Variants in WIPI1 observed in about 807,000 individuals in gnomAD.
The protein encoded by WIPI1 is WD repeat domain phosphoinositide-interacting protein 1.
WIPI1 carries 45 observed loss-of-function variants against 55.3 expected under a neutral mutation model. The ratio of observed to expected loss-of-function variants is 0.81; its 90% CI spans 0.64 to 1.04. The LOEUF is 1.04. Ranked by LOEUF, WIPI1 falls within the 50% of genes least tolerant of loss-of-function variation. WIPI1 has a pLI of 0.00. For synonymous variants in WIPI1, 195 were observed against 217.6 expected, an observed-to-expected ratio of 0.90 and a Z score of 0.92; for missense variants, 445 against 559.0, an observed-to-expected ratio of 0.80 and a Z score of 2.06.
intron 8 of WIPI1, among the ~76,000 whole-genome samples, chr17:68,431,325 C>T (rs991999605): frequency 6.6e-6 from 1 of 152,130 alleles, no homozygotes; most frequent in African/African-American, 2.4e-5. Flanking sequence ...ATCACAACCT[C>T]CCTGACAGGG....
chr17:68,426,218 G>T, intron 11 of WIPI1, 43 bp from the exon 12 acceptor site: 2 of 1,227,856 alleles, frequency 1.6e-6, no homozygotes, highest in Non-Finnish European at 2.3e-6. Context: ...CTGGGGATCT[G>T]CTTTTATGCC....
At chr17:68,454,701 T>C (rs952064465) in intron 1 of WIPI1, among the ~76,000 whole-genome samples, 2 of 152,236 alleles carry the variant, frequency 1.3e-5, no homozygotes, top group Admixed American at 6.5e-5. Context: ...TTTCTTCACA[T>C]AAACTTTTTC....
At chr17:68,445,557 C>A (rs192643691) in intron 3 of WIPI1, among the ~76,000 whole-genome samples, 2 of 152,344 alleles carry the variant, frequency 1.3e-5, no homozygotes, top group Admixed American at 6.5e-5. Context: ...CCTTCCTGGG[C>A]TCCTCTCTCT....
At chr17:68,437,270 T>C (rs2083856281) in intron 4 of WIPI1, among the ~76,000 whole-genome samples, 1 of 152,002 alleles carries the variant, frequency 6.6e-6, no homozygotes, top group South Asian at 2.1e-4. Context: ...CTGAGAAATT[T>C]CAGGCCAGGC....
rs780836720 is a variant in WIPI1 at position 68,428,920 on chromosome 17, G to A, written c.982C>T (p.Arg328Trp). Residue 328 changes from arginine (R) to tryptophan (W), a missense_variant, in exon 10 of 13, where the codon CGG becomes TGG. Coordinates refer to ENST00000262139, the MANE Select transcript of WIPI1 (RefSeq NM_017983.7). ...CTLSTIQKLP[R>W]LLVASSSGHL... ...CCACTGGATGACGCAACTAGCAGCC[G>A]TGGCAACTTCTGGATCCTAAGGGCC... 12 of 1,613,718 alleles carry A rather than the reference G, an allele frequency of 7.4e-6. No individual in the cohort carries two copies. The highest frequency in any genetic ancestry group is 2.2e-5 in the South Asian group (2 of 91,054).
At chr17:68,422,291 G>C (rs11652161) in intron 12 of WIPI1, 34,961 of 162,820 alleles carry the variant, frequency 0.21, 4,714 homozygotes, top group Non-Finnish European at 0.3. Context: ...GCCGGGCATG[G>C]TGGCGCTCAC....
At position 68,426,132 on chromosome 17, in the gene WIPI1, A is replaced by C. The variant is rs757608869; in HGVS notation, c.1236T>G (p.Pro412=). 1.2e-6 allele frequency: 2 copies of C among 1,612,142 alleles called. No individual in the cohort carries two copies. Among genetic ancestry groups the C allele is most frequent in the African/African-American group, 2.7e-5 (2 of 74,802 alleles). The change falls in exon 12 of 13, where the codon CCT becomes CCG. Residue 412 remains proline (P), a synonymous_variant. Transcript: ENST00000262139. Reference sequence around the variant, plus strand: ...CTGGTCCCGTCGCAAACTCATGTTCAGGAATAACTTCTCCTCGCAGCGCCC... The same window carrying C: ...CTGGTCCCGTCGCAAACTCATGTTCCGGAATAACTTCTCCTCGCAGCGCCC... ...DGGALRGEVI[P]EHEFATGPVC... is the part of the protein sequence containing the mutation.
At chr17:68,437,555 A>C (rs2083872109) in intron 4 of WIPI1, among the ~76,000 whole-genome samples, 1 of 143,468 alleles carries the variant, frequency 7.0e-6, no homozygotes, top group Non-Finnish European at 1.5e-5. Flanking sequence ...CTGTCTTAAG[A>C]AAAAAAAAAA....
chr17:68,443,395 G>A (rs2084161261), intron 4 of WIPI1, among the ~76,000 whole-genome samples: 1 of 152,168 alleles, frequency 6.6e-6, no homozygotes, highest in Non-Finnish European at 1.5e-5. Context: ...TTATAGGTGT[G>A]AGCCACCGCA....
At chr17:68,437,034 GTGTATA>G (rs1036846199) in intron 4 of WIPI1, among the ~76,000 whole-genome samples, 8 of 150,630 alleles carry the variant, frequency 5.3e-5, no homozygotes, top group African/African-American at 1.5e-4. Context: ...GTGTGTGTGT[GTGTATA>G]TATTGCTCAT....
Position 68,457,339 on chromosome 17 carries a change from T to G in WIPI1, c.80+3A>C. The G allele has an allele frequency of 6.5e-7, 1 of 1,546,372 alleles. No homozygotes were observed. Among genetic ancestry groups the G allele is most frequent in the African/African-American group, 1.4e-5 (1 of 72,026 alleles). ...CCCTGGCAGGGGCCGAGTCGCAGCTTACGTGCAGTCCTGGTTGAAAGAGAA... is the reference window on the plus strand; with the variant it reads ...CCCTGGCAGGGGCCGAGTCGCAGCTGACGTGCAGTCCTGGTTGAAAGAGAA... On this transcript the variant is annotated splice_donor_region_variant and intron_variant, in intron 1 of 12. Transcript: ENST00000262139.
At chr17:68,450,962 A>C (rs2084477239) in intron 2 of WIPI1, 65 bp from the exon 3 acceptor site, 1 of 1,554,388 alleles carries the variant, frequency 6.4e-7, no homozygotes, top group Admixed American at 2.0e-5. Flanking sequence ...TCCAGCCTCC[A>C]TGACACTGGG....
chr17:68,447,667 A>C (rs903583596), intron 3 of WIPI1, among the ~76,000 whole-genome samples: 1 of 152,114 alleles, frequency 6.6e-6, no homozygotes, highest in African/African-American at 2.4e-5. Flanking sequence ...CTGGGACCAC[A>C]CTTGGCCCTT....
intron 4 of WIPI1, among the ~76,000 whole-genome samples, chr17:68,443,444 T>C (rs1471458866): frequency 1.3e-5 from 2 of 152,178 alleles, no homozygotes; most frequent in African/African-American, 2.4e-5. Context: ...CCTTTTGCCA[T>C]AGCTGAAATG....
At position 68,436,629 on chromosome 17, in the gene WIPI1, C is replaced by A. The variant is rs181337773; in HGVS notation, c.431-150G>T. 2,192 of 669,716 alleles carry A rather than the reference C, an allele frequency of 3.3e-3. 8 individuals carry two copies. Among genetic ancestry groups the A allele is most frequent in the Admixed American group, 9.0e-3 (312 of 34,588 alleles). The allele number at this position is 669,716 out of a possible 1,614,324, so 41.5% of individuals were successfully genotyped here. On this transcript the variant is annotated intron_variant, in intron 4 of 12. Coordinates refer to ENST00000262139, the MANE Select transcript of WIPI1 (RefSeq NM_017983.7). ...AGACAACTGCTTTCCGCTGATGATT[C>A]TTCTGATTAAGGCTTCCAATAAAGC...
chr17:68,428,697 G>C, intron 10 of WIPI1, 132 bp downstream of exon 10: 1 of 680,134 alleles, frequency 1.5e-6, no homozygotes, highest in Non-Finnish European at 2.6e-6. Flanking sequence ...TTGCCCACTA[G>C]AGGTTTGCCA....
intron 4 of WIPI1, among the ~76,000 whole-genome samples, chr17:68,440,206 C>T (rs1490467657): frequency 6.6e-6 from 1 of 152,186 alleles, no homozygotes; most frequent in Non-Finnish European, 1.5e-5. Flanking sequence ...TCCTGCCTTC[C>T]TACCCTTACA....
chr17:68,452,969 G>C lies in WIPI1; in HGVS notation c.104C>G (p.Ala35Gly). The C allele has an allele frequency of 6.2e-7, 1 of 1,614,010 alleles. No individual in the cohort carries two copies. The highest frequency in any genetic ancestry group is 8.5e-7 in the Non-Finnish European group (1 of 1,179,952). The stretch of plus-strand genomic sequence containing the variant: ...ACTCAGAGAAAACAGCTTATACCCG[G>C]CTTTAGTTCCAGTTGCTAGGGATCT... Reference protein sequence around the residue: ...DCTSLATGTKAGYKLFSLSSV... With the variant: ...DCTSLATGTKGGYKLFSLSSV... Residue 35 changes from alanine to glycine, a missense_variant, in exon 2 of 13, where the codon GCC becomes GGC. Physicochemically the swap from Ala to Gly is moderately conservative, Grantham distance 60. Coordinates refer to ENST00000262139, the MANE Select transcript of WIPI1 (RefSeq NM_017983.7).
chr17:68,435,503 A>T, intron 6 of WIPI1, 117 bp downstream of exon 6: 1 of 971,180 alleles, frequency 1.0e-6, no homozygotes, highest in Non-Finnish European at 1.6e-6. Context: ...ACAAATTCTG[A>T]GTGGGCCCAG....
Sources: gnomAD v4.1 joint callset for allele counts (sites outside exome capture counted in the v4.1 genomes callset) on GRCh38, gnomAD v4.1.1 for gene constraint, MANE v1.5 for transcripts, NCBI Gene and HGNC (gene_info 2026-07-23, HGNC 2026-07-21) for gene names.